SLFN12L: variants seen among roughly 807,000 people sequenced by gnomAD.
SLFN12L encodes schlafen family member 12-like.
A neutral mutation model predicts 34.8 loss-of-function variants in SLFN12L; 34 were observed. The observed-to-expected ratio is 0.98, with a 90% CI of 0.74 to 1.30. The LOEUF is 1.30. SLFN12L is among the 50% of genes most tolerant of loss of function. The pLI is 0.00. For missense variants in SLFN12L, 703 were observed against 696.2 expected (o/e 1.01, Z -0.11); for synonymous variants, 259 against 247.5 (o/e 1.05, Z -0.44).
rs1274247645 is a variant in SLFN12L, at chr17:35,467,971, G to A, written c.*6952C>T. 3.3e-5 allele frequency among the ~76,000 whole-genome samples: 5 copies of A among 152,088 alleles called. No individual in the cohort carries two copies. In the East Asian group the frequency reaches 5.8e-4, roughly 18 times the overall value. On this transcript the variant is annotated 3_prime_UTR_variant, in exon 5 of 5. Transcript: ENST00000628453. ...GTTACCCAGGCTGGAGTGCAGTGGCGTGATCACGATTCACTCCCCACTCTA... is the reference window on the plus strand; with the variant it reads ...GTTACCCAGGCTGGAGTGCAGTGGCATGATCACGATTCACTCCCCACTCTA...
chr17:35,468,188 G>A lies in SLFN12L; in HGVS notation c.*6735C>T, dbSNP rs912099715. Among the ~76,000 whole-genome samples the A allele has an allele frequency of 6.6e-6, 1 of 152,156 alleles. No individual in the cohort carries two copies. ...GGCCTCTCAAAGTGCTGGGATTACAGGCATGAGCTGCCATGCTCAGCCTGC... is the reference window on the plus strand; with the variant it reads ...GGCCTCTCAAAGTGCTGGGATTACAAGCATGAGCTGCCATGCTCAGCCTGC... On this transcript the variant is annotated 3_prime_UTR_variant, in exon 5 of 5. Coordinates refer to ENST00000628453, the MANE Select transcript of SLFN12L (RefSeq NM_001363830.2).
intron 2 of SLFN12L, among the ~76,000 whole-genome samples, chr17:35,510,506 G>T (rs1165173777): frequency 6.6e-6 from 1 of 152,210 alleles, no homozygotes; most frequent in Non-Finnish European, 1.5e-5. Flanking sequence ...GTCATAAAAG[G>T]TCACACGCTG....
intron 2 of SLFN12L, chr17:35,498,370 C>T: frequency 9.2e-7 from 1 of 1,082,932 alleles, no homozygotes; most frequent in Non-Finnish European, 1.4e-6. Context: ...CACAGAGAAT[C>T]TCATTGTGCC....
chr17:35,530,147 A>T (rs1310133360), intron 1 of SLFN12L, among the ~76,000 whole-genome samples: 13 of 135,728 alleles, frequency 9.6e-5, no homozygotes, highest in African/African-American at 3.3e-4. Context: ...TGAGATCGAG[A>T]CCATCCTGGC....
At chr17:35,504,823 A>G (rs1041262932) in intron 2 of SLFN12L, among the ~76,000 whole-genome samples, 1 of 152,250 alleles carries the variant, frequency 6.6e-6, no homozygotes, top group Non-Finnish European at 1.5e-5. Context: ...TCAAGAGCTT[A>G]TCAATCAGTC....
intron 2 of SLFN12L, chr17:35,487,849 C>G (rs779563208): frequency 1.6e-5 from 19 of 1,222,834 alleles, no homozygotes; most frequent in Admixed American, 4.0e-5. Flanking sequence ...ATCGGGCACT[C>G]GACTCCCCGG....
Position 35,479,956 on chromosome 17 carries a change from C to T in SLFN12L, c.326G>A (p.Gly109Asp). ...TATTCCATCTTTTTTATAACTATAG[C>T]CTTTATTCTCAACTTCAGCCTTGAT... ...GVIKAEVENK[G>D]YSYKKDGIGL... Residue 109 changes from glycine (G) to aspartate (D), a missense_variant, in exon 3 of 5, where the codon GGC becomes GAC. Gly to Asp is a moderately conservative substitution (Grantham distance 94, BLOSUM62 -1). Transcript: ENST00000628453. 6.2e-7 allele frequency: 1 copy of T among 1,614,152 alleles called. No individual in the cohort carries two copies. Among genetic ancestry groups the T allele is most frequent in the South Asian group, 1.1e-5 (1 of 91,076 alleles).
At position 35,480,049 on chromosome 17, in the gene SLFN12L, A is replaced by G. The variant is rs1205620339; in HGVS notation, c.233T>C (p.Leu78Pro). The G allele has an allele frequency of 6.2e-7, 1 of 1,614,152 alleles. No individual in the cohort carries two copies. Among genetic ancestry groups the G allele is most frequent in the Non-Finnish European group, 8.5e-7 (1 of 1,180,010 alleles). Residue 78 changes from leucine to proline, a missense_variant, in exon 3 of 5, where the codon CTG (leucine) becomes CCG (proline). Coordinates refer to ENST00000628453, the MANE Select transcript of SLFN12L (RefSeq NM_001363830.2). ...GACATTTTCATTCTGCTGTTTTCTC[A>G]GTTGACAATCCTTCATTTTTTTTCT... The part of the protein sequence containing the change: ...NNRKKMKDCQ[L>P]RKQQNENVSR...
chr17:35,522,216 C>T lies in SLFN12L; in HGVS notation c.86+63G>A, dbSNP rs1567686709. ...ACTTAATTTTCAAGGGACAAGGTGA[C>T]TTAGCAGAGAAAATTAAACCCAGAT... On this transcript the variant is annotated intron_variant, in intron 2 of 4. Transcript: ENST00000628453. The T allele has an allele frequency of 2.5e-6, 4 of 1,594,706 alleles. No homozygotes were observed. The East Asian group carries it at 9.1e-5, about 36-fold the overall frequency.
intron 2 of SLFN12L, chr17:35,499,204 G>T: frequency 1.1e-6 from 1 of 930,976 alleles, no homozygotes; most frequent in South Asian, 1.4e-5. Flanking sequence ...TTTCTTCCCT[G>T]CACCTGCCTT....
chr17:35,478,943 T>C (rs1212846676), intron 3 of SLFN12L, among the ~76,000 whole-genome samples, 174 bp downstream of exon 3: 1 of 152,240 alleles, frequency 6.6e-6, no homozygotes, highest in Non-Finnish European at 1.5e-5. Flanking sequence ...TTGTATGGAA[T>C]ATCTATCTTC....
chr17:35,494,987 C>T (rs965059918), intron 2 of SLFN12L, among the ~76,000 whole-genome samples: 1 of 151,878 alleles, frequency 6.6e-6, no homozygotes, highest in African/African-American at 2.4e-5. Context: ...CTCAAGGCAA[C>T]CTCCACCACC....
chr17:35,491,017 C>A (rs1489072553), intron 2 of SLFN12L: 1 of 789,004 alleles, frequency 1.3e-6, no homozygotes, highest in Non-Finnish European at 2.3e-6. Flanking sequence ...CTCCGGCCTC[C>A]CCAGCCAACC....
At chr17:35,530,468 G>GA (rs2072393646) in intron 1 of SLFN12L, among the ~76,000 whole-genome samples, 1 of 53,910 alleles carries the variant, frequency 1.9e-5, no homozygotes, top group Non-Finnish European at 4.3e-5. Context: ...AAGAAAGAAA[G>GA]AAAGAAAGAA....
intron 1 of SLFN12L, among the ~76,000 whole-genome samples, chr17:35,530,542 G>GAAAAGAAAAGAAAAGA (rs1266822417): frequency 1.9e-4 from 2 of 10,640 alleles, no homozygotes; most frequent in African/African-American, 3.0e-4. Flanking sequence ...GAAAAGAAAA[G>GAAAAGAAAAGAAAAGA]AAAGAAAGAA....
rs1597825261 is a variant in SLFN12L, at chr17:35,474,782, A to T, written c.*141T>A. On this transcript the variant is annotated 3_prime_UTR_variant, in exon 5 of 5. Coordinates refer to ENST00000628453, the MANE Select transcript of SLFN12L (RefSeq NM_001363830.2). ...CTGCTAAAAATACAAAAAAAAAAAAATTAGCCAGGTGTGGTGGCAGGCACA... is the reference window on the plus strand; with the variant it reads ...CTGCTAAAAATACAAAAAAAAAAAATTTAGCCAGGTGTGGTGGCAGGCACA... The T allele has an allele frequency of 1.2e-6, 1 of 803,484 alleles. No homozygotes were observed. Among genetic ancestry groups the T allele is most frequent in the Non-Finnish European group, 1.8e-6 (1 of 546,154 alleles). The allele number at this position is 803,484 out of a possible 1,614,324, so 49.8% of individuals were successfully genotyped here. A position where few individuals can be genotyped will look rare whatever the true frequency, so the allele number is the denominator to read the frequency against.
intron 1 of SLFN12L, among the ~76,000 whole-genome samples, chr17:35,529,225 G>C (rs1226416904): frequency 6.6e-6 from 1 of 152,180 alleles, no homozygotes; most frequent in Non-Finnish European, 1.5e-5. Flanking sequence ...GGAGAAATAG[G>C]AATGCTTTTA....
intron 2 of SLFN12L, among the ~76,000 whole-genome samples, chr17:35,502,427 AAAAAAAAAAAAAAAAACGATGATTT>A (rs1325194394): frequency 6.8e-6 from 1 of 147,448 alleles, no homozygotes; most frequent in Non-Finnish European, 1.5e-5. Flanking sequence ...AAAAAAAAAA[AAAAAAAAAAAAAAAAACGATGATTT>A]AACATTAACC....
Position 35,475,003 on chromosome 17 carries a change from C to A in SLFN12L, c.1759G>T (p.Glu587Ter). ...EKALSNILPKENQIFLFVCLF... is the reference protein window; with the variant it reads ...EKALSNILPK ...CAAACAAACAAAAAGATTTGATTCT[C>A]CTTAGGTAAGATATTTGAAAGGGCC... Residue 587 changes from glutamate to a stop codon, truncating the protein, a stop_gained, in exon 5 of 5, where the codon GAG becomes TAG. Coordinates refer to ENST00000628453, the MANE Select transcript of SLFN12L (RefSeq NM_001363830.2). LOFTEE classifies it high-confidence loss of function. The A allele has an allele frequency of 6.3e-7, 1 of 1,579,274 alleles. No homozygotes were observed. Among genetic ancestry groups the A allele is most frequent in the Non-Finnish European group, 8.6e-7 (1 of 1,160,532 alleles).
Sources: gnomAD v4.1 joint callset for allele counts (sites outside exome capture counted in the v4.1 genomes callset) on GRCh38, gnomAD v4.1.1 for gene constraint, MANE v1.5 for transcripts, NCBI Gene and HGNC (gene_info 2026-07-23, HGNC 2026-07-21) for gene names.